Variants in SEC13 observed in about 807,000 individuals in gnomAD.
The protein encoded by SEC13 is protein SEC13 homolog.
In SEC13, 25 loss-of-function variants were observed where a neutral mutation model predicts 49.2. The ratio of observed to expected loss-of-function variants is 0.51; its 90% CI spans 0.37 to 0.71. The LOEUF (loss-of-function observed/expected upper bound fraction) is 0.71, where lower values mean the gene tolerates loss of function less well. SEC13 is among the 30% of genes least tolerant of loss of function. The probability of loss-of-function intolerance (pLI) is 0.00; values close to 1 mark genes in which losing one functional copy is unlikely to be tolerated. For missense variants in SEC13, 383 were observed against 417.6 expected (o/e 0.92, Z 0.72); for synonymous variants, 148 against 163.9 (o/e 0.90, Z 0.74).
rs1461106870 is a variant in SEC13, at chr3:10,301,151, G to C, written c.*110C>G. 1 of 1,613,772 alleles carries C rather than the reference G, an allele frequency of 6.2e-7. No individual in the cohort carries two copies. Among genetic ancestry groups the C allele is most frequent in the Non-Finnish European group, 8.5e-7 (1 of 1,179,882 alleles). On this transcript the variant is annotated 3_prime_UTR_variant, in exon 9 of 9. Transcript: ENST00000350697. Reference sequence around the variant, plus strand: ...GTGGCTGCATCTGTAACTCCTCCTGGGAAAATAATCCTGTTGGAGTTGGGG... The same window carrying C: ...GTGGCTGCATCTGTAACTCCTCCTGCGAAAATAATCCTGTTGGAGTTGGGG...
chr3:10,305,126 C>T lies in SEC13; in HGVS notation c.615G>A (p.Glu205=). 6.2e-7 allele frequency: 1 copy of T among 1,613,710 alleles called. No homozygotes were observed. Among genetic ancestry groups the T allele is most frequent in the Non-Finnish European group, 8.5e-7 (1 of 1,179,788 alleles). Residue 205 remains glutamate (E), a synonymous_variant, in exon 7 of 9, where the codon GAG becomes GAA. Transcript: ENST00000350697. ...AGTCACTGTGCGCTTCTAGCTTCTG[C>T]TCCTCCTTCCACTGGCCGTCCTCCT... ...KEEEDGQWKE[E]QKLEAHSDWV...
rs115830987 is a variant in SEC13, at chr3:10,308,085, T to G, written c.451-2393A>C. Reference sequence around the variant, plus strand: ...GCTAATTTTAAAAACAGCTTTGATATAGTATAATTGACATAAACTGCATAT... The same window carrying G: ...GCTAATTTTAAAAACAGCTTTGATAGAGTATAATTGACATAAACTGCATAT... On this transcript the variant is annotated intron_variant, in intron 5 of 8. Coordinates refer to ENST00000350697, the MANE Select transcript of SEC13 (RefSeq NM_183352.3). Among the ~76,000 whole-genome samples the G allele has an allele frequency of 7.1e-3, 1,076 of 152,362 alleles. 3 individuals carry two copies. Among genetic ancestry groups the G allele is most frequent in the African/African-American group, 0.024 (1,013 of 41,576 alleles).
intron 1 of SEC13, chr3:10,320,409 A>G (rs1014906661): frequency 2.4e-6 from 1 of 418,080 alleles, no homozygotes; most frequent in African/African-American, 2.2e-5. Flanking sequence ...TGTGGAGTGA[A>G]TGTACACTGC....
chr3:10,311,763 G>A, intron 5 of SEC13: 1 of 1,420,468 alleles, frequency 7.0e-7, no homozygotes, highest in Non-Finnish European at 9.2e-7. Context: ...CACACAACAA[G>A]GAAGCAGTGC....
intron 7 of SEC13, 63 bp downstream of exon 7, chr3:10,304,970 C>G (rs1700774196): frequency 6.2e-7 from 1 of 1,610,972 alleles, no homozygotes; most frequent in Non-Finnish European, 8.5e-7. Context: ...GCTAAGGAGA[C>G]TAAGAGCTGA....
At chr3:10,320,798 AGAAG>A (rs759333567) in intron 1 of SEC13, 6 of 1,323,332 alleles carry the variant, frequency 4.5e-6, no homozygotes, top group South Asian at 2.2e-5. Flanking sequence ...TTGACCGAAA[AGAAG>A]GAAGGGAGAC....
At chr3:10,308,173 A>C (rs1000513850) in intron 5 of SEC13, among the ~76,000 whole-genome samples, 2 of 152,192 alleles carry the variant, frequency 1.3e-5, no homozygotes, top group Non-Finnish European at 2.9e-5. Context: ...CATCACCTCA[A>C]TCAAGATAAG....
At chr3:10,303,905 C>T (rs897375144) in intron 8 of SEC13, 121 bp downstream of exon 8, 1 of 1,036,182 alleles carries the variant, frequency 9.7e-7, no homozygotes. Context: ...ACTCAAAACG[C>T]AGTCCTGGCT....
intron 5 of SEC13, among the ~76,000 whole-genome samples, chr3:10,308,093 T>C (rs900877641): frequency 3.3e-5 from 5 of 152,214 alleles, no homozygotes; most frequent in Non-Finnish European, 7.3e-5. Context: ...TATAGTATAA[T>C]TGACATAAAC....
chr3:10,319,969 G>C (rs1400946549), intron 1 of SEC13, among the ~76,000 whole-genome samples: 4 of 97,742 alleles, frequency 4.1e-5, no homozygotes, highest in Admixed American at 3.1e-4. Context: ...GGAGAGGAAG[G>C]GGGGAGGGAG....
intron 8 of SEC13, among the ~76,000 whole-genome samples, chr3:10,302,767 G>A (rs1348031851): frequency 6.6e-6 from 1 of 152,224 alleles, no homozygotes; most frequent in East Asian, 1.9e-4. Context: ...CAATAGCTAA[G>A]AGGTGGCAGC....
chr3:10,303,659 T>G, intron 8 of SEC13: 1 of 303,416 alleles, frequency 3.3e-6, no homozygotes, highest in Admixed American at 4.6e-5. Context: ...ATCCCCAATC[T>G]TCTTCTGTTT....
Position 10,317,674 on chromosome 3 carries a change from C to G in SEC13, c.48+376G>C, listed in dbSNP as rs562297339. Among the ~76,000 whole-genome samples the G allele has an allele frequency of 1.5e-4, 23 of 152,236 alleles. No individual in the cohort carries two copies. In the South Asian group the frequency reaches 4.8e-3, roughly 32 times the overall value. The stretch of plus-strand genomic sequence containing the variant: ...TTCTACACTCTCTTCTTTTCACCCC[C>G]CTTTCCAGTGGGGCTAAGAAGTGAC... On this transcript the variant is annotated intron_variant, in intron 2 of 8. Transcript: ENST00000350697.
intron 4 of SEC13, 141 bp downstream of exon 4, chr3:10,312,436 GAC>G (rs1701333629): frequency 9.8e-7 from 1 of 1,018,400 alleles, no homozygotes; most frequent in African/African-American, 1.6e-5. Context: ...CTCAGCTGAG[GAC>G]AGAGTAGCAG....
chr3:10,311,559 G>C, intron 5 of SEC13: 1 of 813,514 alleles, frequency 1.2e-6, no homozygotes, highest in Non-Finnish European at 1.5e-6. Context: ...CCAAAAGTTG[G>C]GTAAAGAATG....
intron 7 of SEC13, 43 bp from the exon 8 acceptor site, chr3:10,304,215 C>G: frequency 6.2e-7 from 1 of 1,606,228 alleles, no homozygotes; most frequent in Non-Finnish European, 8.5e-7. Context: ...AGTCAAGACT[C>G]CTGCGTTTGT....
chr3:10,315,286 T>C, intron 3 of SEC13, 35 bp downstream of exon 3: 2 of 1,492,640 alleles, frequency 1.3e-6, no homozygotes, highest in Non-Finnish European at 1.9e-6. Flanking sequence ...CCCACACCAT[T>C]CCTGGAGCCC....
intron 2 of SEC13, 22 bp from the exon 3 acceptor site, chr3:10,315,458 G>T: frequency 8.6e-7 from 1 of 1,168,694 alleles, no homozygotes; most frequent in Non-Finnish European, 1.2e-6. Context: ...GGACAGCTCG[G>T]GAAGCCTGCA....
At chr3:10,309,532 G>A (rs1184207080) in intron 5 of SEC13, among the ~76,000 whole-genome samples, 3 of 152,142 alleles carry the variant, frequency 2.0e-5, no homozygotes, top group African/African-American at 7.2e-5. Context: ...CTTCTGAAAT[G>A]ATTTTTAATT....
Sources: allele counts gnomAD v4.1 joint callset (sites outside exome capture counted in the v4.1 genomes callset), GRCh38; gene constraint gnomAD v4.1.1; transcripts MANE v1.5; gene names NCBI Gene and HGNC (gene_info 2026-07-23, HGNC 2026-07-21).